The following PALM2AKAP2 variants were observed in gnomAD, a reference collection of about 807,000 sequenced individuals.
The protein encoded by PALM2AKAP2 is PALM2-AKAP2 fusion protein.
A neutral mutation model predicts 71.5 loss-of-function variants in PALM2AKAP2; 37 were observed. The ratio of observed to expected loss-of-function variants is 0.52; its 90% confidence interval spans 0.40 to 0.68. PALM2AKAP2 has a LOEUF of 0.68. Among genes scored for constraint, PALM2AKAP2 ranks in the 30% least tolerant of loss-of-function variants. The probability of loss-of-function intolerance (pLI) is 0.00; values close to 1 mark genes in which losing one functional copy is unlikely to be tolerated. For missense variants in PALM2AKAP2, 1,224 were observed against 1,191.8 expected (o/e 1.03, Z -0.40); for synonymous variants, 468 against 478.8 (o/e 0.98, Z 0.29).
chr9:110,031,072 G>A (rs1227213670), intron 7 of PALM2AKAP2, among the ~76,000 whole-genome samples: 1 of 152,152 alleles, frequency 6.6e-6, no homozygotes, highest in Non-Finnish European at 1.5e-5. Context: ...TAGGGTATTG[G>A]ATTTGTCATC....
chr9:109,703,026 C>T (rs961946050), intron 1 of PALM2AKAP2, among the ~76,000 whole-genome samples: 3 of 152,038 alleles, frequency 2.0e-5, no homozygotes, highest in Admixed American at 6.6e-5. Flanking sequence ...ACCAAGTTGG[C>T]CAGGTTGATC....
chr9:110,136,945 C>T, exon 2 of PALM2AKAP2: 1 of 1,614,142 alleles, frequency 6.2e-7, no homozygotes, highest in Non-Finnish European at 8.5e-7. Context: ...AGAATCCTGG[C>T]ATTGCAGCAA....
exon 3 of PALM2AKAP2, chr9:109,880,574 G>C (rs1829822702): frequency 6.2e-7 from 1 of 1,613,044 alleles, no homozygotes; most frequent in African/African-American, 1.3e-5. Flanking sequence ...GGGAGAAATG[G>C]CTGCTGCAGG....
intron 1 of PALM2AKAP2, among the ~76,000 whole-genome samples, chr9:109,809,300 G>T (rs181775086): frequency 6.6e-6 from 1 of 152,196 alleles, no homozygotes; most frequent in Non-Finnish European, 1.5e-5. Context: ...AGCCAAAGGA[G>T]CAGAGCTGCC....
chr9:109,941,145 C>CTTT (rs34635858), intron 6 of PALM2AKAP2, among the ~76,000 whole-genome samples: 86 of 106,166 alleles, frequency 8.1e-4, no homozygotes, highest in Non-Finnish European at 8.9e-4. Context: ...TCTTCCTCTT[C>CTTT]TTTTTTTTTT....
intron 1 of PALM2AKAP2, among the ~76,000 whole-genome samples, chr9:109,852,678 C>T (rs72753052): frequency 0.011 from 1,724 of 152,306 alleles, 22 homozygotes; most frequent in Non-Finnish European, 0.016. Context: ...CTTTTCTCTG[C>T]AACCTCACCG....
chr9:109,972,355 G>A (rs946799152), intron 6 of PALM2AKAP2, among the ~76,000 whole-genome samples: 1 of 152,212 alleles, frequency 6.6e-6, no homozygotes, highest in African/African-American at 2.4e-5. Flanking sequence ...TGGGGAACCT[G>A]CTGATATAGG....
chr9:109,769,904 T>C (rs1829230238), intron 1 of PALM2AKAP2, among the ~76,000 whole-genome samples: 1 of 152,084 alleles, frequency 6.6e-6, no homozygotes, highest in South Asian at 2.1e-4. Flanking sequence ...GGAGGTACCT[T>C]CTCGGGGAGA....
intron 1 of PALM2AKAP2, among the ~76,000 whole-genome samples, chr9:109,843,324 A>AAG (rs1828760510): frequency 6.9e-6 from 1 of 145,610 alleles, no homozygotes; most frequent in Admixed American, 7.0e-5. Flanking sequence ...AAAAAAAAAA[A>AAG]GAAGAAGACT....
At chr9:109,813,430 G>A (rs74482314) in intron 1 of PALM2AKAP2, among the ~76,000 whole-genome samples, 24,729 of 145,210 alleles carry the variant, frequency 0.17, 2,471 homozygotes, top group African/African-American at 0.28. Flanking sequence ...CTCTGGTTGC[G>A]TTGTTCATCT....
intron 1 of PALM2AKAP2, among the ~76,000 whole-genome samples, chr9:110,126,418 A>G (rs1007595235): frequency 8.5e-5 from 13 of 152,190 alleles, no homozygotes; most frequent in African/African-American, 2.7e-4. Context: ...CTTTAGCAGA[A>G]TCGGTTACCC....
At chr9:110,029,072 G>GC (rs1423051837) in intron 7 of PALM2AKAP2, among the ~76,000 whole-genome samples, 1 of 152,040 alleles carries the variant, frequency 6.6e-6, no homozygotes, top group Non-Finnish European at 1.5e-5. Context: ...GACATCCCTT[G>GC]ATATGCTTCT....
chr9:109,784,236 C>T (rs1273818300), intron 1 of PALM2AKAP2, among the ~76,000 whole-genome samples: 1 of 152,088 alleles, frequency 6.6e-6, no homozygotes, highest in Non-Finnish European at 1.5e-5. Context: ...TTTTGTTTTT[C>T]ACCTAACGTT....
intron 1 of PALM2AKAP2, among the ~76,000 whole-genome samples, chr9:110,051,479 A>G (rs1409212939): frequency 6.6e-6 from 1 of 152,168 alleles, no homozygotes; most frequent in African/African-American, 2.4e-5. Flanking sequence ...CCAAACAATA[A>G]CCATTACGGA....
intron 1 of PALM2AKAP2, among the ~76,000 whole-genome samples, chr9:109,840,788 C>G (rs1296024172): frequency 6.6e-6 from 1 of 152,184 alleles, no homozygotes; most frequent in Non-Finnish European, 1.5e-5. Flanking sequence ...CACTGGCCAT[C>G]AGAGAAATGC....
chr9:110,137,779 G>A (rs1459075028), exon 2 of PALM2AKAP2: 2 of 1,614,136 alleles, frequency 1.2e-6, no homozygotes, highest in Non-Finnish European at 1.7e-6. Context: ...ATGCCCTCCA[G>A]GAAAATTCAC....
At chr9:109,921,086 T>G (rs544893293) in intron 3 of PALM2AKAP2, among the ~76,000 whole-genome samples, 31 of 152,326 alleles carry the variant, frequency 2.0e-4, no homozygotes, top group African/African-American at 5.3e-4. Context: ...GCCAGCCCCC[T>G]CTCCATAAAT....
At chr9:109,667,928 GTTTTTTT>G (rs1213195298) in intron 1 of PALM2AKAP2, among the ~76,000 whole-genome samples, 1 of 56,612 alleles carries the variant, frequency 1.8e-5, no homozygotes. Context: ...GATGGCTTTG[GTTTTTTT>G]TTTTTTTTTT....
chr9:109,700,218 C>T (rs973792707), intron 1 of PALM2AKAP2, among the ~76,000 whole-genome samples: 1 of 152,144 alleles, frequency 6.6e-6, no homozygotes, highest in Non-Finnish European at 1.5e-5. Context: ...CCCCACGTGT[C>T]ATGGGAGGGA....
Sources: allele counts gnomAD v4.1 joint callset (sites outside exome capture counted in the v4.1 genomes callset), GRCh38; gene constraint gnomAD v4.1.1; transcripts MANE v1.5; gene names NCBI Gene and HGNC (gene_info 2026-07-23, HGNC 2026-07-21).